Variants in ZNF804B observed in about 807,000 individuals in gnomAD.
ZNF804B encodes zinc finger 804B.
In ZNF804B, 80 loss-of-function variants were observed where a neutral mutation model predicts 101.4. That is an observed-to-expected ratio of 0.79 (90% CI 0.66 to 0.95). ZNF804B has a LOEUF of 0.95. ZNF804B is among the 40% of genes least tolerant of loss of function. The pLI is 0.00. For missense variants in ZNF804B, 1,673 were observed against 1,561.9 expected, an observed-to-expected ratio of 1.07 and a Z score of -1.20; for synonymous variants, 622 against 558.8, an observed-to-expected ratio of 1.11 and a Z score of -1.59.
chr7:88,855,978 AC>A (rs1345441334), intron 1 of ZNF804B, among the ~76,000 whole-genome samples: 1 of 152,182 alleles, frequency 6.6e-6, no homozygotes, highest in Non-Finnish European at 1.5e-5. Flanking sequence ...CTGTTTTGGT[AC>A]CAGTACCATG....
At chr7:89,081,725 C>G (rs1309967744) in intron 1 of ZNF804B, among the ~76,000 whole-genome samples, 1 of 151,762 alleles carries the variant, frequency 6.6e-6, no homozygotes, top group African/African-American at 2.4e-5. Context: ...TCTAACTGCT[C>G]TCATTCTTTA....
intron 1 of ZNF804B, among the ~76,000 whole-genome samples, chr7:88,886,469 G>A (rs1792129655): frequency 6.6e-6 from 1 of 152,074 alleles, no homozygotes; most frequent in African/African-American, 2.4e-5. Flanking sequence ...ATTAAATTCA[G>A]ACTTCCCATT....
At chr7:89,031,291 AC>A (rs1484904547) in intron 1 of ZNF804B, among the ~76,000 whole-genome samples, 1 of 151,290 alleles carries the variant, frequency 6.6e-6, no homozygotes, top group African/African-American at 2.4e-5. Flanking sequence ...CTCTGACTAT[AC>A]CCACCTAGAC....
chr7:89,257,577 T>C (rs1789653412), intron 2 of ZNF804B, among the ~76,000 whole-genome samples: 1 of 152,250 alleles, frequency 6.6e-6, no homozygotes, highest in Non-Finnish European at 1.5e-5. Flanking sequence ...CTCTTTTAAA[T>C]GAATAATTGG....
intron 1 of ZNF804B, among the ~76,000 whole-genome samples, chr7:89,049,593 C>T (rs1789163946): frequency 6.6e-6 from 1 of 151,970 alleles, no homozygotes; most frequent in Non-Finnish European, 1.5e-5. Flanking sequence ...TCAGCTATTA[C>T]CGGAAAAGTC....
chr7:89,334,263 TG>T lies in ZNF804B; in HGVS notation c.1282del (p.Val428Ter). The T allele has an allele frequency of 6.2e-7, 1 of 1,613,750 alleles. No homozygotes were observed. The highest frequency in any genetic ancestry group is 8.5e-7 in the Non-Finnish European group (1 of 1,179,824). On this transcript the variant is annotated frameshift_variant, in exon 4 of 4. Transcript: ENST00000333190. LOFTEE classifies it high-confidence loss of function. ...GAGTTAGCAAAAATGTTCAAAGACT[TG>T]TAAAAGAAGCATGTACCCATAATGT... ...ERVSKNVQRL[V>X]KEACTHNVAS...
intron 1 of ZNF804B, among the ~76,000 whole-genome samples, 164 bp downstream of exon 1, chr7:88,760,248 A>T (rs1789875211): frequency 6.6e-6 from 1 of 152,204 alleles, no homozygotes; most frequent in Non-Finnish European, 1.5e-5. Flanking sequence ...TATACAATTT[A>T]TTGACAGACT....
At chr7:89,120,382 G>T (rs1267157134) in intron 1 of ZNF804B, among the ~76,000 whole-genome samples, 2 of 152,078 alleles carry the variant, frequency 1.3e-5, no homozygotes, top group Non-Finnish European at 2.9e-5. Flanking sequence ...ATCTGGCCGG[G>T]TGCGGTGGCT....
chr7:88,938,470 A>G (rs895205805), intron 1 of ZNF804B, among the ~76,000 whole-genome samples: 1 of 151,954 alleles, frequency 6.6e-6, no homozygotes, highest in Non-Finnish European at 1.5e-5. Flanking sequence ...GGGGTAAAAT[A>G]TTTTTATTTT....
chr7:89,036,510 G>T (rs1788930210), intron 1 of ZNF804B, among the ~76,000 whole-genome samples: 2 of 151,946 alleles, frequency 1.3e-5, no homozygotes, highest in Admixed American at 6.6e-5. Flanking sequence ...TATGATAAGG[G>T]TAAAACGGAA....
At chr7:88,767,557 T>A (rs1197127711) in intron 1 of ZNF804B, among the ~76,000 whole-genome samples, 1 of 152,246 alleles carries the variant, frequency 6.6e-6, no homozygotes, top group African/African-American at 2.4e-5. Flanking sequence ...GGGCCTCTTT[T>A]TTTAAATGAC....
At chr7:89,036,041 T>TAA (rs1217815638) in intron 1 of ZNF804B, among the ~76,000 whole-genome samples, 3 of 147,228 alleles carry the variant, frequency 2.0e-5, no homozygotes, top group South Asian at 2.1e-4. Flanking sequence ...TATATATATA[T>TAA]AATCCAAGTT....
intron 1 of ZNF804B, among the ~76,000 whole-genome samples, chr7:88,913,003 T>C (rs1447201569): frequency 1.3e-5 from 2 of 152,218 alleles, no homozygotes; most frequent in African/African-American, 2.4e-5. Context: ...TTTTCGATGT[T>C]ATCAAAACAT....
chr7:88,922,128 A>T (rs535949904), intron 1 of ZNF804B, among the ~76,000 whole-genome samples: 1 of 152,164 alleles, frequency 6.6e-6, no homozygotes, highest in East Asian at 1.9e-4. Context: ...TCAGATTCAG[A>T]ATTTTCTCAA....
chr7:88,849,546 C>G (rs1791420759), intron 1 of ZNF804B, among the ~76,000 whole-genome samples: 1 of 151,498 alleles, frequency 6.6e-6, no homozygotes, highest in Non-Finnish European at 1.5e-5. Flanking sequence ...GTTGCCTAGA[C>G]TGGAGTGCAG....
At chr7:89,167,909 G>A (rs1331829279) in intron 1 of ZNF804B, among the ~76,000 whole-genome samples, 2 of 151,948 alleles carry the variant, frequency 1.3e-5, no homozygotes, top group African/African-American at 4.8e-5. Flanking sequence ...ACCTTCTGTG[G>A]CAATAGCAGT....
At chr7:88,800,291 A>T (rs1473434848) in intron 1 of ZNF804B, among the ~76,000 whole-genome samples, 1 of 152,130 alleles carries the variant, frequency 6.6e-6, no homozygotes, top group Non-Finnish European at 1.5e-5. Context: ...CTCCAAGAAA[A>T]AAAAACAAAC....
chr7:89,301,446 A>G (rs1790472708), intron 2 of ZNF804B, among the ~76,000 whole-genome samples: 1 of 151,754 alleles, frequency 6.6e-6, no homozygotes. Flanking sequence ...GAACCATTTC[A>G]ATTAATTTTC....
At position 88,854,418 on chromosome 7, in the gene ZNF804B, T is replaced by TCTTTCTTCCTTCCTTC. The variant is rs1491578190; in HGVS notation, c.108+94341_108+94342insCCTTCCTTCCTTTCTT. Among the ~76,000 whole-genome samples the TCTTTCTTCCTTCCTTC allele has an allele frequency of 4.7e-5, 4 of 85,178 alleles. No individual in the cohort carries two copies. The South Asian group carries it at 1.7e-3, about 36-fold the overall frequency. 55.9% of individuals were successfully genotyped at this position (85,178 alleles called of 152,430 possible). A position where few individuals can be genotyped will look rare whatever the true frequency, so the allele number is the denominator to read the frequency against. On this transcript the variant is annotated intron_variant, in intron 1 of 3. Transcript: ENST00000333190. ...TTCTTTCTTTCTTTCTTTCTTCCTTTCTTTCTTTCTTTCTTTCTTTCTTTC... is the reference window on the plus strand; with the variant it reads ...TTCTTTCTTTCTTTCTTTCTTCCTTTCTTTCTTCCTTCCTTCCTTTCTTTCTTTCTTTCTTTCTTTC...
Sources: gnomAD v4.1 joint callset for allele counts (sites outside exome capture counted in the v4.1 genomes callset) on GRCh38, gnomAD v4.1.1 for gene constraint, MANE v1.5 for transcripts, NCBI Gene and HGNC (gene_info 2026-07-23, HGNC 2026-07-21) for gene names.